The following MAP4K3 variants were observed in gnomAD, a reference collection of about 807,000 sequenced individuals.
The protein encoded by MAP4K3 is mitogen-activated protein kinase kinase kinase kinase 3, also known as MAPK/ERK kinase kinase kinase 3.
Under a neutral mutation model 143.5 loss-of-function variants are expected in MAP4K3, and 94 were observed. That is an observed-to-expected ratio of 0.65 (90% confidence interval 0.55 to 0.78). The LOEUF (loss-of-function observed/expected upper bound fraction) is 0.78. MAP4K3 is among the 30% of genes least tolerant of loss of function. MAP4K3 has a pLI of 0.00. For missense variants in MAP4K3, 1,077 were observed against 1,068.1 expected (o/e 1.01, Z -0.12); for synonymous variants, 416 against 347.2 (o/e 1.20, Z -2.20).
intron 3 of MAP4K3, among the ~76,000 whole-genome samples, chr2:39,345,254 TG>T (rs1169419455): frequency 6.7e-6 from 1 of 148,170 alleles, no homozygotes; most frequent in Non-Finnish European, 1.5e-5. Context: ...GGTGCATACC[TG>T]TAGTCTCACC....
intron 1 of MAP4K3, among the ~76,000 whole-genome samples, chr2:39,417,528 T>C (rs1345143882): frequency 6.6e-6 from 1 of 152,092 alleles, no homozygotes; most frequent in Non-Finnish European, 1.5e-5. Flanking sequence ...GAAAGCCAGG[T>C]TTCTTACTAC....
chr2:39,307,573 T>C (rs1682755029), intron 15 of MAP4K3, among the ~76,000 whole-genome samples: 2 of 151,808 alleles, frequency 1.3e-5, no homozygotes, highest in African/African-American at 2.4e-5. Context: ...AACATATGAA[T>C]TGTTTATATA....
At chr2:39,294,876 C>T (rs1682204988) in intron 16 of MAP4K3, among the ~76,000 whole-genome samples, 1 of 152,092 alleles carries the variant, frequency 6.6e-6, no homozygotes, top group Non-Finnish European at 1.5e-5. Flanking sequence ...AAGGTCCAAA[C>T]TATTTTCACA....
At chr2:39,358,871 AT>A (rs776612101) in intron 2 of MAP4K3, among the ~76,000 whole-genome samples, 1 of 152,140 alleles carries the variant, frequency 6.6e-6, no homozygotes, top group Non-Finnish European at 1.5e-5. Flanking sequence ...CCCACAACCC[AT>A]GGGGATTATG....
At chr2:39,300,325 A>G (rs903956444) in intron 15 of MAP4K3, among the ~76,000 whole-genome samples, 1 of 152,240 alleles carries the variant, frequency 6.6e-6, no homozygotes, top group East Asian at 1.9e-4. Flanking sequence ...AATATTATAA[A>G]TTGTACTGAA....
At chr2:39,374,091 T>C (rs373223385) in intron 2 of MAP4K3, among the ~76,000 whole-genome samples, 6 of 152,178 alleles carry the variant, frequency 3.9e-5, no homozygotes, top group Non-Finnish European at 8.8e-5. Flanking sequence ...ATGCCTACTA[T>C]GTACCCACGA....
At chr2:39,337,789 G>T (rs572052886) in intron 4 of MAP4K3, among the ~76,000 whole-genome samples, 2 of 128,390 alleles carry the variant, frequency 1.6e-5, no homozygotes, top group Admixed American at 8.0e-5. Context: ...TTGAGACAGG[G>T]TCTCATTATG....
At chr2:39,400,237 T>C (rs1466729587) in intron 1 of MAP4K3, among the ~76,000 whole-genome samples, 1 of 152,190 alleles carries the variant, frequency 6.6e-6, no homozygotes, top group Non-Finnish European at 1.5e-5. Context: ...CTGTTTCTAT[T>C]ACTAGTGCCC....
intron 2 of MAP4K3, among the ~76,000 whole-genome samples, chr2:39,357,946 C>T (rs979487989): frequency 1.3e-5 from 2 of 152,146 alleles, no homozygotes; most frequent in Non-Finnish European, 2.9e-5. Flanking sequence ...AAGACAAAAG[C>T]TCTCTTTCTG....
chr2:39,431,190 T>C (rs1665273384), intron 1 of MAP4K3, among the ~76,000 whole-genome samples: 1 of 152,136 alleles, frequency 6.6e-6, no homozygotes, highest in Admixed American at 6.5e-5. Flanking sequence ...CTAACAAAAC[T>C]TAAAGTTCAG....
chr2:39,307,330 T>G (rs922519833), intron 15 of MAP4K3, among the ~76,000 whole-genome samples: 4 of 152,118 alleles, frequency 2.6e-5, no homozygotes, highest in African/African-American at 9.7e-5. Context: ...TATGTAATGG[T>G]AAGACAGTAT....
intron 1 of MAP4K3, among the ~76,000 whole-genome samples, chr2:39,409,330 G>A (rs1269788159): frequency 2.0e-5 from 3 of 152,194 alleles, no homozygotes; most frequent in African/African-American, 7.2e-5. Flanking sequence ...AAGCTTTGGG[G>A]AAGTCAAAAA....
intron 16 of MAP4K3, among the ~76,000 whole-genome samples, chr2:39,297,786 C>T (rs937045214): frequency 6.6e-6 from 1 of 152,172 alleles, no homozygotes; most frequent in Non-Finnish European, 1.5e-5. Flanking sequence ...CGAAACACAG[C>T]CAAAGAGCAA....
chr2:39,384,324 T>A (rs150352726), intron 1 of MAP4K3, among the ~76,000 whole-genome samples: 1 of 152,052 alleles, frequency 6.6e-6, no homozygotes. Flanking sequence ...GGTAGGCGGA[T>A]CACCTGAGGT....
At chr2:39,267,114 C>G in intron 27 of MAP4K3, 75 bp downstream of exon 27, 1 of 1,369,654 alleles carries the variant, frequency 7.3e-7, no homozygotes, top group South Asian at 1.2e-5. Flanking sequence ...GCAGAATGCC[C>G]TGGGGTAGTA....
intron 19 of MAP4K3, among the ~76,000 whole-genome samples, chr2:39,289,665 T>C (rs573553404): frequency 6.6e-6 from 1 of 152,328 alleles, no homozygotes; most frequent in South Asian, 2.1e-4. Flanking sequence ...AAGTCAGGAA[T>C]AGGTTGCAGA....
chr2:39,425,827 TA>T lies in MAP4K3; in HGVS notation c.96+11064del, dbSNP rs1352846066. ...AAAGAAGAATCCATGAGCCAAAAAA[TA>T]AATAAACAAAAATAGTTCTTCACAG... On this transcript the variant is annotated intron_variant, in intron 1 of 33. Transcript: ENST00000263881. Among the ~76,000 whole-genome samples the T allele has an allele frequency of 6.6e-5, 10 of 152,182 alleles. No individual in the cohort carries two copies. The East Asian group carries it at 1.9e-3, about 29-fold the overall frequency.
At chr2:39,313,393 C>A (rs1219626480) in intron 13 of MAP4K3, among the ~76,000 whole-genome samples, 4 of 152,114 alleles carry the variant, frequency 2.6e-5, no homozygotes, top group African/African-American at 9.7e-5. Flanking sequence ...CTCAAGCAGG[C>A]CCCAGTGTCT....
At chr2:39,396,976 T>G (rs1401714596) in intron 1 of MAP4K3, among the ~76,000 whole-genome samples, 3 of 152,210 alleles carry the variant, frequency 2.0e-5, no homozygotes, top group Non-Finnish European at 2.9e-5. Flanking sequence ...TACTGACTAT[T>G]ACTGGACTTA....
Sources: allele counts gnomAD v4.1 joint callset (sites outside exome capture counted in the v4.1 genomes callset), GRCh38; gene constraint gnomAD v4.1.1; transcripts MANE v1.5; gene names NCBI Gene and HGNC (gene_info 2026-07-23, HGNC 2026-07-21).